The following CYP7B1 variants were observed in gnomAD, a reference collection of about 807,000 sequenced individuals.
The protein encoded by CYP7B1 is cytochrome P450 7B1.
Under a neutral mutation model 42.7 loss-of-function variants are expected in CYP7B1, and 29 were observed. The ratio of observed to expected loss-of-function variants is 0.68; its 90% confidence interval spans 0.51 to 0.93. CYP7B1 has a LOEUF of 0.93. CYP7B1 is among the 40% of genes least tolerant of loss of function. The pLI is 0.00. For synonymous variants in CYP7B1, 235 were observed against 218.2 expected (o/e 1.08, Z -0.68); for missense variants, 655 against 600.5 (o/e 1.09, Z -0.95).
At chr8:64,726,501 G>T (rs1807326974) in intron 1 of CYP7B1, among the ~76,000 whole-genome samples, 1 of 152,164 alleles carries the variant, frequency 6.6e-6, no homozygotes, top group Non-Finnish European at 1.5e-5. Context: ...ATTGGAACGG[G>T]CACTAGATTG....
At chr8:64,777,331 C>T (rs938925617) in intron 1 of CYP7B1, among the ~76,000 whole-genome samples, 9 of 152,004 alleles carry the variant, frequency 5.9e-5, no homozygotes, top group African/African-American at 1.2e-4. Flanking sequence ...ATAGCACTTA[C>T]GCTATTTAAT....
At chr8:64,716,203 C>G (rs1053815404) in intron 1 of CYP7B1, among the ~76,000 whole-genome samples, 1 of 152,102 alleles carries the variant, frequency 6.6e-6, no homozygotes, top group Non-Finnish European at 1.5e-5. Context: ...TGCTTAAGTC[C>G]TAAACATGTA....
chr8:64,704,637 C>G (rs1287233311), intron 1 of CYP7B1, among the ~76,000 whole-genome samples: 1 of 151,958 alleles, frequency 6.6e-6, no homozygotes, highest in Admixed American at 6.6e-5. Flanking sequence ...CAAGACTGCT[C>G]TAACATCAAA....
intron 1 of CYP7B1, among the ~76,000 whole-genome samples, chr8:64,721,080 G>T (rs1807228347): frequency 1.3e-5 from 2 of 150,052 alleles, no homozygotes; most frequent in South Asian, 2.1e-4. Flanking sequence ...ATAGAAAACT[G>T]ATTCTTACCT....
intron 1 of CYP7B1, among the ~76,000 whole-genome samples, chr8:64,648,784 A>G (rs1018521593): frequency 2.6e-5 from 4 of 152,200 alleles, no homozygotes; most frequent in Non-Finnish European, 4.4e-5. Flanking sequence ...TAAAATGCAT[A>G]TTGTAATTTC....
chr8:64,616,457 G>A (rs1805451266), intron 2 of CYP7B1, among the ~76,000 whole-genome samples, 176 bp from the exon 3 acceptor site: 1 of 152,076 alleles, frequency 6.6e-6, no homozygotes, highest in Non-Finnish European at 1.5e-5. Flanking sequence ...TTTGAAAGAT[G>A]GTGGAAAACA....
At chr8:64,666,945 A>C (rs183100261) in intron 1 of CYP7B1, among the ~76,000 whole-genome samples, 33 of 152,314 alleles carry the variant, frequency 2.2e-4, no homozygotes, top group African/African-American at 7.5e-4. Context: ...ATGTCTTTAC[A>C]ACTCTACAGG....
At chr8:64,639,481 A>G (rs1805822418) in intron 1 of CYP7B1, among the ~76,000 whole-genome samples, 1 of 152,258 alleles carries the variant, frequency 6.6e-6, no homozygotes, top group South Asian at 2.1e-4. Context: ...TTCACCAAAA[A>G]GATAGACATA....
chr8:64,624,131 T>C (rs1362394987), intron 2 of CYP7B1, among the ~76,000 whole-genome samples: 3 of 151,964 alleles, frequency 2.0e-5, no homozygotes, highest in African/African-American at 4.8e-5. Flanking sequence ...TTTTTTTTTC[T>C]ACCATTCTTA....
At chr8:64,642,241 C>T (rs1438539309) in intron 1 of CYP7B1, among the ~76,000 whole-genome samples, 1 of 151,632 alleles carries the variant, frequency 6.6e-6, no homozygotes, top group African/African-American at 2.4e-5. Flanking sequence ...GTATTGTACT[C>T]TATTTCCTCT....
chr8:64,795,311 G>A (rs1157655360), intron 1 of CYP7B1, among the ~76,000 whole-genome samples: 1 of 152,362 alleles, frequency 6.6e-6, no homozygotes, highest in East Asian at 1.9e-4. Flanking sequence ...GACTAGAAAG[G>A]AGTGTAAAAT....
chr8:64,696,554 G>A (rs1056507600), intron 1 of CYP7B1, among the ~76,000 whole-genome samples: 1 of 152,130 alleles, frequency 6.6e-6, no homozygotes, highest in Non-Finnish European at 1.5e-5. Flanking sequence ...CTAGTCAGCA[G>A]GAAAGGAAAT....
intron 1 of CYP7B1, among the ~76,000 whole-genome samples, chr8:64,675,956 A>G (rs1236175256): frequency 6.6e-6 from 1 of 152,164 alleles, no homozygotes; most frequent in Non-Finnish European, 1.5e-5. Context: ...ATCACTCAGC[A>G]CAAACTCAGA....
chr8:64,746,104 G>GA (rs1330758810), intron 1 of CYP7B1, among the ~76,000 whole-genome samples: 1 of 150,958 alleles, frequency 6.6e-6, no homozygotes, highest in Non-Finnish European at 1.5e-5. Context: ...GAATTAAAAA[G>GA]AAAAAAGTAG....
chr8:64,616,960 A>C (rs1805457821), intron 2 of CYP7B1, among the ~76,000 whole-genome samples: 1 of 152,112 alleles, frequency 6.6e-6, no homozygotes. Flanking sequence ...TTCACCATTC[A>C]CCACATTTAT....
At chr8:64,615,424 G>C (rs562809440) in intron 3 of CYP7B1, among the ~76,000 whole-genome samples, 192 bp from the exon 4 acceptor site, 1 of 145,186 alleles carries the variant, frequency 6.9e-6, no homozygotes, top group Non-Finnish European at 1.5e-5. Context: ...GTATGGGGGG[G>C]GCGGTGTGGT....
At chr8:64,677,290 C>A (rs1290304264) in intron 1 of CYP7B1, among the ~76,000 whole-genome samples, 2 of 151,602 alleles carry the variant, frequency 1.3e-5, no homozygotes, top group East Asian at 1.9e-4. Context: ...GGAAAAAAAA[C>A]CCTAAACCTT....
intron 1 of CYP7B1, among the ~76,000 whole-genome samples, chr8:64,771,282 G>C (rs547164227): frequency 6.6e-6 from 1 of 151,136 alleles, no homozygotes; most frequent in Admixed American, 6.6e-5. Context: ...GGATGGTCTC[G>C]ATCTCCTGAC....
At chr8:64,624,108 T>C (rs1049099172) in intron 2 of CYP7B1, among the ~76,000 whole-genome samples, 3 of 151,520 alleles carry the variant, frequency 2.0e-5, no homozygotes, top group Non-Finnish European at 4.4e-5. Flanking sequence ...TTTTGTATAG[T>C]TATATATATA....
Sources: allele counts gnomAD v4.1 joint callset (sites outside exome capture counted in the v4.1 genomes callset), GRCh38; gene constraint gnomAD v4.1.1; transcripts MANE v1.5; gene names NCBI Gene and HGNC (gene_info 2026-07-23, HGNC 2026-07-21).